ARPC3: variants seen among roughly 807,000 people sequenced by gnomAD.
ARPC3 encodes the protein actin related protein 2/3 complex subunit 3.
Under a neutral mutation model 27.6 loss-of-function variants are expected in ARPC3, and 12 were observed. That is an observed-to-expected ratio of 0.43 (90% CI 0.28 to 0.70). ARPC3 has a LOEUF of 0.70. Ranked by LOEUF, ARPC3 falls within the 30% of genes least tolerant of loss-of-function variation. The probability of loss-of-function intolerance (pLI) is 0.17; values close to 1 mark genes in which losing one functional copy is unlikely to be tolerated. For synonymous variants in ARPC3, 53 were observed against 67.2 expected (o/e 0.79, Z 1.03); for missense variants, 153 against 207.7 (o/e 0.74, Z 1.62).
chr12:110,439,812 C>CTA (rs779658712), intron 3 of ARPC3, among the ~76,000 whole-genome samples: 9 of 152,108 alleles, frequency 5.9e-5, no homozygotes, highest in Non-Finnish European at 1.2e-4. Flanking sequence ...CTAGCCTGGG[C>CTA]GACGGAGCAA....
chr12:110,439,424 T>G (rs944717856), intron 3 of ARPC3, among the ~76,000 whole-genome samples: 1 of 152,184 alleles, frequency 6.6e-6, no homozygotes, highest in Non-Finnish European at 1.5e-5. Context: ...ATAGAAAACA[T>G]TCTATTACCA....
intron 1 of ARPC3, 148 bp from the exon 2 acceptor site, chr12:110,445,699 G>GC: frequency 1.5e-6 from 1 of 688,552 alleles, no homozygotes; most frequent in South Asian, 1.6e-5. Flanking sequence ...AGGTGCGAGG[G>GC]CTGGTTCTTT....
In ARPC3 at chr12:110,437,113, T is replaced by G; in HGVS notation, c.223A>C (p.Ile75Leu). 6.2e-7 allele frequency: 1 copy of G among 1,603,908 alleles called. No individual in the cohort carries two copies. Among genetic ancestry groups the G allele is most frequent in the Non-Finnish European group, 8.5e-7 (1 of 1,171,306 alleles). ...DRTLIYITLY[I>L]SECLKKLQKC... ...TGCAGTTTCTTCAGACATTCAGAAA[T>G]GTAGAGAGTTATATATATCAAGGTC... Residue 75 changes from isoleucine (I) to leucine (L), a missense_variant, in exon 4 of 7, where the codon ATT becomes CTT. Transcript: ENST00000228825.
In ARPC3 at chr12:110,445,536, G is replaced by A. The variant is rs1263615155; in HGVS notation, c.22C>T (p.Leu8Phe). ...ATGAGTTTGGTATCAGGATCCATGA[G>A]AGAAGAGTGGTAAGCCTGTAATGGC... MPAYHSS[L>F]MDPDTKLIGN... Residue 8 changes from leucine (L) to phenylalanine (F), a missense_variant, in exon 2 of 7, where the codon CTC becomes TTC. By Grantham distance (22) the Leu-to-Phe change is conservative (BLOSUM62 0). Coordinates refer to ENST00000228825, the MANE Select transcript of ARPC3 (RefSeq NM_001278556.2). 2 of 1,612,660 alleles carry A rather than the reference G, an allele frequency of 1.2e-6. No individual in the cohort carries two copies. Among genetic ancestry groups the A allele is most frequent in the Non-Finnish European group, 1.7e-6 (2 of 1,178,682 alleles).
At chr12:110,443,398 T>C (rs756825705) in intron 2 of ARPC3, among the ~76,000 whole-genome samples, 6 of 151,768 alleles carry the variant, frequency 4.0e-5, no homozygotes, top group Non-Finnish European at 7.4e-5. Context: ...AGTACTGGGA[T>C]TACAGGCGTG....
In ARPC3 at chr12:110,450,282, A is replaced by C. The variant is rs750401708; in HGVS notation, c.-22T>G. ...GCATCTTGGCGGCGCCCGGGTTTCA[A>C]CCCAGAGGAGCAGGATCCAGGTACA... On this transcript the variant is annotated 5_prime_UTR_variant, in exon 1 of 7. Coordinates refer to ENST00000228825, the MANE Select transcript of ARPC3 (RefSeq NM_001278556.2). The C allele has an allele frequency of 6.2e-7, 1 of 1,613,930 alleles. No individual in the cohort carries two copies. Among genetic ancestry groups the C allele is most frequent in the East Asian group, 2.2e-5 (1 of 44,856 alleles).
intron 4 of ARPC3, 114 bp downstream of exon 4, chr12:110,436,970 A>G (rs2135498082): frequency 1.2e-6 from 1 of 832,172 alleles, no homozygotes; most frequent in East Asian, 2.6e-5. Flanking sequence ...GCTGTAAGTC[A>G]GAGGAAATAT....
Position 110,436,687 on chromosome 12 carries a change from G to C in ARPC3, c.253-4C>G. 6.2e-6 allele frequency: 5 copies of C among 803,864 alleles called. No homozygotes were observed. Among genetic ancestry groups the C allele is most frequent in the South Asian group, 5.2e-5 (3 of 57,662 alleles). The allele number at this position is 803,864 out of a possible 1,614,324, so 49.8% of individuals were successfully genotyped here. ...CACCTTGGCTTTTGGAATTGCACTGGAAAAAAAAATATATATATATATATA... is the reference window on the plus strand; with the variant it reads ...CACCTTGGCTTTTGGAATTGCACTGCAAAAAAAAATATATATATATATATA... On this transcript the variant is annotated splice_region_variant and splice_polypyrimidine_tract_variant and intron_variant, in intron 4 of 6. Transcript: ENST00000228825.
At chr12:110,437,264 A>G (rs2062411656) in intron 3 of ARPC3, 112 bp from the exon 4 acceptor site, 3 of 761,468 alleles carry the variant, frequency 3.9e-6, no homozygotes, top group East Asian at 5.2e-5. Context: ...GTGGTAGGAC[A>G]GCCACTATCA....
chr12:110,443,712 C>T (rs1048042071), intron 2 of ARPC3, among the ~76,000 whole-genome samples: 1 of 152,134 alleles, frequency 6.6e-6, no homozygotes, highest in Non-Finnish European at 1.5e-5. Context: ...GGATTACAGG[C>T]GTGAGCCACT....
In ARPC3 at chr12:110,436,711, T is replaced by TACACACACACAC. The variant is rs375877607; in HGVS notation, c.253-40_253-29dup. ...GGAAAAAAAAATATATATATATATA[T>TACACACACACAC]ACACACACACACACACACACACACA... On this transcript the variant is annotated intron_variant, in intron 4 of 6. Coordinates refer to ENST00000228825, the MANE Select transcript of ARPC3 (RefSeq NM_001278556.2). 321 of 382,220 alleles carry TACACACACACAC rather than the reference T, an allele frequency of 8.4e-4. 1 individual carries two copies. The highest frequency in any genetic ancestry group is 7.4e-3 in the African/African-American group (271 of 36,500). The allele number at this position is 382,220 out of a possible 1,614,324, so 23.7% of individuals were successfully genotyped here. A position where few individuals can be genotyped will look rare whatever the true frequency, so the allele number is the denominator to read the frequency against.
At chr12:110,449,109 T>C (rs1400442689) in intron 1 of ARPC3, among the ~76,000 whole-genome samples, 7 of 152,082 alleles carry the variant, frequency 4.6e-5, no homozygotes. Context: ...TGTCACTACC[T>C]GACACTACCG....
chr12:110,443,431 T>TTTTA (rs960430766), intron 2 of ARPC3, among the ~76,000 whole-genome samples: 1 of 145,116 alleles, frequency 6.9e-6, no homozygotes, highest in Non-Finnish European at 1.5e-5. Context: ...ACGCCCTATT[T>TTTTA]TTTATTTATT....
rs2062467505 is a variant in ARPC3 at position 110,446,896 on chromosome 12, T to C, written c.7-1345A>G. Among the ~76,000 whole-genome samples, 3 of 152,146 alleles carry C rather than the reference T, an allele frequency of 2.0e-5. No individual in the cohort carries two copies. In the South Asian group the frequency reaches 6.2e-4, roughly 32 times the overall value. ...TGCTGGGATTACAGGCGTGAGCCAC[T>C]GCACCCGGCAATAACCTAATTTTTA... On this transcript the variant is annotated intron_variant, in intron 1 of 6. Coordinates refer to ENST00000228825, the MANE Select transcript of ARPC3 (RefSeq NM_001278556.2).
chr12:110,439,071 C>T (rs2062421243), intron 3 of ARPC3, among the ~76,000 whole-genome samples: 1 of 149,448 alleles, frequency 6.7e-6, no homozygotes, highest in Non-Finnish European at 1.5e-5. Flanking sequence ...CTGCAACCAT[C>T]ACCTCCTGGG....
At chr12:110,438,627 C>T (rs2062418429) in intron 3 of ARPC3, among the ~76,000 whole-genome samples, 1 of 151,228 alleles carries the variant, frequency 6.6e-6, no homozygotes, top group African/African-American at 2.4e-5. Context: ...AAAATTACCC[C>T]CAAACCACAC....
At chr12:110,442,818 A>G (rs1407670152) in intron 2 of ARPC3, 1 of 152,170 alleles carries the variant, frequency 6.6e-6, no homozygotes, top group Non-Finnish European at 1.5e-5. Context: ...GACAAAAGCC[A>G]GAAATACTGT....
At chr12:110,436,030 T>G (rs1462215831) in intron 6 of ARPC3, 80 bp downstream of exon 6, 12 of 1,080,368 alleles carry the variant, frequency 1.1e-5, no homozygotes, top group Non-Finnish European at 1.4e-5. Flanking sequence ...ATTCTTGCAA[T>G]GGAAGACCTT....
intron 2 of ARPC3, chr12:110,445,009 C>T (rs2062456568): frequency 4.6e-6 from 1 of 218,160 alleles, no homozygotes; most frequent in South Asian, 6.5e-5. Flanking sequence ...TTACATAGTA[C>T]ACTTCAGATT....
Sources: allele counts gnomAD v4.1 joint callset (sites outside exome capture counted in the v4.1 genomes callset), GRCh38; gene constraint gnomAD v4.1.1; transcripts MANE v1.5; gene names NCBI Gene and HGNC (gene_info 2026-07-23, HGNC 2026-07-21).